Variants in CTNNA3 observed in about 807,000 individuals in gnomAD.
CTNNA3 encodes the protein catenin alpha 3.
Under a neutral mutation model 95.7 loss-of-function variants are expected in CTNNA3, and 76 were observed. The observed-to-expected ratio is 0.79, with a 90% confidence interval of 0.66 to 0.96. The LOEUF (loss-of-function observed/expected upper bound fraction) is 0.96, where lower values mean the gene tolerates loss of function less well. CTNNA3 is among the 40% of genes least tolerant of loss of function. The pLI, the probability that CTNNA3 is intolerant of heterozygous loss-of-function variation, is 0.00. For synonymous variants in CTNNA3, 431 were observed against 374.4 expected (o/e 1.15, Z -1.74); for missense variants, 1,191 against 1,089.8 (o/e 1.09, Z -1.31).
intron 10 of CTNNA3, among the ~76,000 whole-genome samples, chr10:66,533,917 A>C (rs1485287162): frequency 6.6e-6 from 1 of 152,160 alleles, no homozygotes; most frequent in Non-Finnish European, 1.5e-5. Flanking sequence ...CAAAAGAGTT[A>C]AAAAATTTTT....
chr10:66,340,739 C>T (rs1415160123), intron 12 of CTNNA3, among the ~76,000 whole-genome samples: 1 of 151,368 alleles, frequency 6.6e-6, no homozygotes, highest in Non-Finnish European at 1.5e-5. Context: ...ATTTAATTTT[C>T]GTAACCATCC....
chr10:67,116,600 T>A (rs1357323683), intron 7 of CTNNA3, among the ~76,000 whole-genome samples: 1 of 151,518 alleles, frequency 6.6e-6, no homozygotes, highest in Non-Finnish European at 1.5e-5. Flanking sequence ...GCAAGTGATA[T>A]TAGATAAAGT....
At position 67,145,320 on chromosome 10, in the gene CTNNA3, CTT is replaced by C. The variant is rs201059881; in HGVS notation, c.1047+34995_1047+34996del. 5.1e-3 allele frequency among the ~76,000 whole-genome samples: 773 copies of C among 152,214 alleles called. 6 individuals carry two copies. Among genetic ancestry groups the C allele is most frequent in the African/African-American group, 0.017 (724 of 41,534 alleles). ...CTGTCAGAAAAATGGCACTGGCAGA[CTT>C]TTTCCCTATTCCTGAATCAGTTAAC... On this transcript the variant is annotated intron_variant, in intron 7 of 17. Transcript: ENST00000433211.
At chr10:67,290,239 T>TCAA (rs1839781588) in intron 5 of CTNNA3, among the ~76,000 whole-genome samples, 1 of 152,180 alleles carries the variant, frequency 6.6e-6, no homozygotes, top group South Asian at 2.1e-4. Context: ...TTTTATTTTA[T>TCAA]TTTGGTTTAT....
chr10:66,620,655 T>A (rs1012664672), intron 10 of CTNNA3, among the ~76,000 whole-genome samples: 2 of 152,184 alleles, frequency 1.3e-5, no homozygotes, highest in African/African-American at 4.8e-5. Flanking sequence ...TGGAGTTTCA[T>A]AGAAAATTGA....
chr10:66,219,979 TG>T (rs1257003654), intron 13 of CTNNA3, among the ~76,000 whole-genome samples: 2 of 151,902 alleles, frequency 1.3e-5, no homozygotes, highest in East Asian at 3.9e-4. Context: ...AAAAATTAGC[TG>T]GGCATGGTGG....
chr10:67,496,539 T>C (rs1839029668), intron 5 of CTNNA3, among the ~76,000 whole-genome samples: 1 of 152,188 alleles, frequency 6.6e-6, no homozygotes, highest in Admixed American at 6.5e-5. Flanking sequence ...ACTCCAGCAC[T>C]GGCCCAAGAG....
At chr10:67,177,481 A>T (rs371763340) in intron 7 of CTNNA3, among the ~76,000 whole-genome samples, 1 of 152,208 alleles carries the variant, frequency 6.6e-6, no homozygotes, top group Admixed American at 6.5e-5. Context: ...TTCAGTTTTC[A>T]TGCTTATCAT....
intron 1 of CTNNA3, among the ~76,000 whole-genome samples, chr10:67,681,584 A>C (rs1840627021): frequency 6.6e-6 from 1 of 152,052 alleles, no homozygotes. Context: ...ATGTATAATA[A>C]ATGTATAATA....
At chr10:67,519,462 A>G (rs1214677815) in intron 5 of CTNNA3, among the ~76,000 whole-genome samples, 1 of 152,222 alleles carries the variant, frequency 6.6e-6, no homozygotes, top group African/African-American at 2.4e-5. Flanking sequence ...CTTGGTATCC[A>G]GGAAACCAAA....
At chr10:67,426,181 A>G (rs1845917073) in intron 5 of CTNNA3, among the ~76,000 whole-genome samples, 2 of 152,100 alleles carry the variant, frequency 1.3e-5, no homozygotes, top group Non-Finnish European at 2.9e-5. Context: ...ATATGAAGAG[A>G]TTTATATTCT....
At chr10:67,700,856 G>C (rs997294203), upstream of CTNNA3, among the ~76,000 whole-genome samples, 1 of 152,100 alleles carries the variant, frequency 6.6e-6, no homozygotes, top group Non-Finnish European at 1.5e-5. Context: ...CAAACCAAAG[G>C]CAAAGAAGTT....
intron 7 of CTNNA3, among the ~76,000 whole-genome samples, chr10:67,071,583 A>G (rs1348132595): frequency 6.6e-6 from 1 of 151,828 alleles, no homozygotes; most frequent in Non-Finnish European, 1.5e-5. Context: ...AAATGTCCCT[A>G]TGAATGTTTT....
At position 65,966,685 on chromosome 10, in the gene CTNNA3, G is replaced by A. The variant is rs1589189233; in HGVS notation, c.2327C>T (p.Ser776Phe). 1.2e-6 allele frequency: 2 copies of A among 1,613,698 alleles called. No individual in the cohort carries two copies. The highest frequency in any genetic ancestry group is 1.6e-4 in the Middle Eastern group (1 of 6,062). Reference sequence around the variant, plus strand: ...TTGACTGCAGATTTTCAGTTGGTGGGAGTAGAACTTAATCTGTTCCAGGTA... The same window carrying A: ...TTGACTGCAGATTTTCAGTTGGTGGAAGTAGAACTTAATCTGTTCCAGGTA... The part of the protein sequence containing the change: ...LAYLEQIKFY[S>F]HQLKICSQVK... Residue 776 changes from serine (S) to phenylalanine (F), a missense_variant, in exon 17 of 18, where the codon TCC becomes TTC. Ser to Phe is a radical substitution (Grantham distance 155). Coordinates refer to ENST00000433211, the MANE Select transcript of CTNNA3 (RefSeq NM_013266.4).
rs186513608 is a variant in CTNNA3 at position 66,741,153 on chromosome 10, C to T, written c.1281+25111G>A. Among the ~76,000 whole-genome samples, 16 of 152,126 alleles carry T rather than the reference C, an allele frequency of 1.1e-4. No homozygotes were observed. The South Asian group carries it at 2.7e-3, about 26-fold the overall frequency. On this transcript the variant is annotated intron_variant, in intron 9 of 17. Coordinates refer to ENST00000433211, the MANE Select transcript of CTNNA3 (RefSeq NM_013266.4). Reference sequence around the variant, plus strand: ...TTTTAAATGATATCTTAGTAGATTTCAGAAGTGAAAGCAATGCCTTCTGGT... The same window carrying T: ...TTTTAAATGATATCTTAGTAGATTTTAGAAGTGAAAGCAATGCCTTCTGGT...
chr10:67,343,384 T>C (rs1842290054), intron 5 of CTNNA3, among the ~76,000 whole-genome samples: 2 of 152,232 alleles, frequency 1.3e-5, no homozygotes, highest in African/African-American at 4.8e-5. Flanking sequence ...TTCCAATCCA[T>C]GAACATGGAA....
At chr10:67,477,750 C>G (rs545571634) in intron 5 of CTNNA3, among the ~76,000 whole-genome samples, 1 of 152,112 alleles carries the variant, frequency 6.6e-6, no homozygotes, top group Non-Finnish European at 1.5e-5. Flanking sequence ...TGAGAAGGAA[C>G]CAGCTAAAGA....
At chr10:67,696,893 G>A (rs1244273518), upstream of CTNNA3, among the ~76,000 whole-genome samples, 1 of 151,922 alleles carries the variant, frequency 6.6e-6, no homozygotes. Flanking sequence ...CATTTCCTTG[G>A]ACATTACCAT....
intron 5 of CTNNA3, among the ~76,000 whole-genome samples, chr10:67,285,877 G>A (rs1839578963): frequency 6.6e-6 from 1 of 152,074 alleles, no homozygotes; most frequent in Non-Finnish European, 1.5e-5. Context: ...AAAAACACCA[G>A]GCAATCAGTT....
Sources: gnomAD v4.1 joint callset for allele counts (sites outside exome capture counted in the v4.1 genomes callset) on GRCh38, gnomAD v4.1.1 for gene constraint, MANE v1.5 for transcripts, NCBI Gene and HGNC (gene_info 2026-07-23, HGNC 2026-07-21) for gene names.